CDC5L: variants seen among roughly 807,000 people sequenced by gnomAD.
The protein encoded by CDC5L is cell division cycle 5 like, also known as cell division cycle 5-like protein.
Under a neutral mutation model 104.1 loss-of-function variants are expected in CDC5L, and 18 were observed. The ratio of observed to expected loss-of-function variants is 0.17; its 90% CI spans 0.12 to 0.26. The LOEUF (loss-of-function observed/expected upper bound fraction) is 0.26, where lower values mean the gene tolerates loss of function less well. CDC5L is among the 10% of genes least tolerant of loss of function. CDC5L has a pLI of 1.00. For missense variants in CDC5L, 673 were observed against 956.9 expected, an observed-to-expected ratio of 0.70 and a Z score of 3.91; for synonymous variants, 331 against 322.7, an observed-to-expected ratio of 1.03 and a Z score of -0.28.
At chr6:44,399,793 A>G (rs2153375864) in intron 5 of CDC5L, among the ~76,000 whole-genome samples, 1 of 152,140 alleles carries the variant, frequency 6.6e-6, no homozygotes, top group Non-Finnish European at 1.5e-5. Flanking sequence ...AGCTGGGACT[A>G]CAGGTGCCCG....
chr6:44,443,260 T>C (rs1259514322), intron 14 of CDC5L, among the ~76,000 whole-genome samples: 3 of 152,072 alleles, frequency 2.0e-5, no homozygotes. Flanking sequence ...CATGGTGATA[T>C]GCTTTTTTCT....
rs555876728 is a variant in CDC5L at position 44,429,245 on chromosome 6, C to T, written c.1894-468C>T. 6.2e-4 allele frequency among the ~76,000 whole-genome samples: 94 copies of T among 152,230 alleles called. 1 individual carries two copies. The South Asian group carries it at 0.018, about 30-fold the overall frequency. On this transcript the variant is annotated intron_variant, in intron 13 of 15. Transcript: ENST00000371477. ...CTGTGTTAACCAGGCTAGTCTTGAA[C>T]TCCTGGCCTCGTTATCCGCCCACCT... is the stretch of plus-strand genomic sequence containing the variant.
intron 14 of CDC5L, among the ~76,000 whole-genome samples, chr6:44,431,834 T>C (rs990579117): frequency 6.6e-6 from 1 of 152,226 alleles, no homozygotes; most frequent in African/African-American, 2.4e-5. Flanking sequence ...ATTAAAAACA[T>C]GTGGTTCTCT....
At chr6:44,441,842 G>A (rs1389859597) in intron 14 of CDC5L, among the ~76,000 whole-genome samples, 5 of 148,052 alleles carry the variant, frequency 3.4e-5, no homozygotes, top group African/African-American at 1.0e-4. Context: ...GAATTTTTTT[G>A]TTTGTTTGTA....
At chr6:44,404,150 C>A in intron 6 of CDC5L, 123 bp downstream of exon 6, 1 of 627,292 alleles carries the variant, frequency 1.6e-6, no homozygotes, top group Non-Finnish European at 2.4e-6. Context: ...TTTTTAAAAT[C>A]AATTTTTTTT....
At chr6:44,440,680 C>A (rs1425117117) in intron 14 of CDC5L, among the ~76,000 whole-genome samples, 1 of 150,800 alleles carries the variant, frequency 6.6e-6, no homozygotes, top group African/African-American at 2.4e-5. Context: ...ATACATACCA[C>A]TTCTTTGTGG....
chr6:44,393,871 A>G (rs1790733594), intron 4 of CDC5L, among the ~76,000 whole-genome samples: 1 of 151,866 alleles, frequency 6.6e-6, no homozygotes, highest in South Asian at 2.1e-4. Flanking sequence ...TCCCTGTGTT[A>G]CCCAGGCTGG....
rs147575158 is a variant in CDC5L, at chr6:44,436,810, G to A, written c.2091+6900G>A. On this transcript the variant is annotated intron_variant, in intron 14 of 15. Transcript: ENST00000371477. ...AATTTGTCAGCTTGGCCTTCCTACC[G>A]ATTTGTATGTGGATATATTCTTAAT... 9.9e-5 allele frequency among the ~76,000 whole-genome samples: 15 copies of A among 152,232 alleles called. No individual in the cohort carries two copies. The East Asian group carries it at 1.9e-3, about 20-fold the overall frequency.
In CDC5L at chr6:44,407,488, C is replaced by T. The variant is rs9395015; in HGVS notation, c.904-956C>T. 4.0e-3 allele frequency among the ~76,000 whole-genome samples: 608 copies of T among 152,184 alleles called. 9 individuals are homozygous for T. The East Asian group carries it at 0.061, about 15-fold the overall frequency. On this transcript the variant is annotated intron_variant, in intron 7 of 15. Transcript: ENST00000371477. ...ACTGTAGGCGTGCGCCACCATGCCC[C>T]GCTAATTTTTGTATATTTACTAGAG... is the stretch of plus-strand genomic sequence containing the variant.
At chr6:44,392,940 C>T in intron 3 of CDC5L, 112 bp downstream of exon 3, 1 of 920,226 alleles carries the variant, frequency 1.1e-6, no homozygotes, top group East Asian at 2.6e-5. Context: ...GTGAGTAAAC[C>T]CAAAGCTAAA....
chr6:44,442,150 T>C (rs1257070557), intron 14 of CDC5L, among the ~76,000 whole-genome samples: 1 of 152,044 alleles, frequency 6.6e-6, no homozygotes, highest in Non-Finnish European at 1.5e-5. Context: ...TTGGCCAGAA[T>C]GGTATTGATC....
At chr6:44,397,638 G>A (rs950780348) in intron 5 of CDC5L, among the ~76,000 whole-genome samples, 1 of 152,166 alleles carries the variant, frequency 6.6e-6, no homozygotes, top group Admixed American at 6.5e-5. Flanking sequence ...AAGATTATGT[G>A]TCTTTTGTAT....
In CDC5L at chr6:44,393,484, C is replaced by T; in HGVS notation, c.350C>T (p.Thr117Ile). The change falls in exon 4 of 16, where the codon ACA (threonine) becomes ATA (isoleucine). Residue 117 changes from threonine to isoleucine, a missense_variant. Transcript: ENST00000371477. The stretch of plus-strand genomic sequence containing the variant: ...CAAAGAGACAATGAAGAGGAAACAA[C>T]AGATGATCCACGAAAACTTAAACCT... ...AAQRDNEEET[T>I]DDPRKLKPGE... is the part of the protein sequence containing the mutation. The T allele has an allele frequency of 6.2e-7, 1 of 1,613,864 alleles. No individual in the cohort carries two copies. The highest frequency in any genetic ancestry group is 8.5e-7 in the Non-Finnish European group (1 of 1,179,862).
intron 14 of CDC5L, among the ~76,000 whole-genome samples, chr6:44,433,011 A>C (rs944270627): frequency 1.3e-5 from 2 of 152,242 alleles, no homozygotes; most frequent in Admixed American, 1.3e-4. Flanking sequence ...ATTGCTATTT[A>C]TAGTGGTATC....
intron 2 of CDC5L, among the ~76,000 whole-genome samples, chr6:44,391,000 AATATGTT>A (rs1404887157): frequency 8.2e-6 from 1 of 122,154 alleles, no homozygotes; most frequent in East Asian, 2.1e-4. Context: ...AAACATATTT[AATATGTT>A]ATATATTATA....
At chr6:44,422,885 G>T (rs554835963) in intron 10 of CDC5L, 76 bp downstream of exon 10, 3 of 918,852 alleles carry the variant, frequency 3.3e-6, no homozygotes, top group South Asian at 3.4e-5. Flanking sequence ...AATTTCTCCT[G>T]TTAGTGCATA....
chr6:44,409,498 A>G (rs1047593719), intron 8 of CDC5L, among the ~76,000 whole-genome samples: 6 of 152,272 alleles, frequency 3.9e-5, no homozygotes, highest in African/African-American at 1.4e-4. Flanking sequence ...TGTAAGTTAT[A>G]CAAATATGTA....
At chr6:44,401,242 T>C (rs1791108646) in intron 5 of CDC5L, among the ~76,000 whole-genome samples, 1 of 152,196 alleles carries the variant, frequency 6.6e-6, no homozygotes, top group Non-Finnish European at 1.5e-5. Context: ...CCCTACTTTA[T>C]TAGCTGAGTG....
chr6:44,397,393 G>A (rs1424856985), intron 5 of CDC5L, among the ~76,000 whole-genome samples: 1 of 152,160 alleles, frequency 6.6e-6, no homozygotes, highest in African/African-American at 2.4e-5. Context: ...ATAATAATTG[G>A]AATTGTCCAG....
Sources: gnomAD v4.1 joint callset for allele counts (sites outside exome capture counted in the v4.1 genomes callset) on GRCh38, gnomAD v4.1.1 for gene constraint, MANE v1.5 for transcripts, NCBI Gene and HGNC (gene_info 2026-07-23, HGNC 2026-07-21) for gene names.